Variants in TMPRSS7 observed in about 807,000 individuals in gnomAD.
TMPRSS7 encodes transmembrane serine protease 7.
Under a neutral mutation model 95.6 loss-of-function variants are expected in TMPRSS7, and 81 were observed. That is an observed-to-expected ratio of 0.85 (90% CI 0.71 to 1.02). The LOEUF (loss-of-function observed/expected upper bound fraction) is 1.02, where lower values mean the gene tolerates loss of function less well. Among genes scored for constraint, TMPRSS7 ranks in the 50% least tolerant of loss-of-function variants. The pLI is 0.00. For synonymous variants in TMPRSS7, 364 were observed against 337.8 expected, an observed-to-expected ratio of 1.08 and a Z score of -0.85; for missense variants, 945 against 955.2, an observed-to-expected ratio of 0.99 and a Z score of 0.14.
chr3:112,065,347 C>T (rs995941808), intron 12 of TMPRSS7, among the ~76,000 whole-genome samples: 1 of 152,248 alleles, frequency 6.6e-6, no homozygotes, highest in African/African-American at 2.4e-5. Context: ...TAGTTTATAC[C>T]TTATTTTTTT....
chr3:112,078,750 G>A (rs956797609), exon 17 of TMPRSS7: 1 of 1,614,032 alleles, frequency 6.2e-7, no homozygotes, highest in Non-Finnish European at 8.5e-7. Flanking sequence ...AGATAATAAA[G>A]GCTCCCTCGT....
intron 17 of TMPRSS7, among the ~76,000 whole-genome samples, chr3:112,080,104 A>C (rs2073759863): frequency 6.6e-6 from 1 of 152,200 alleles, no homozygotes; most frequent in African/African-American, 2.4e-5. Flanking sequence ...ATAAGATCAT[A>C]ATTTGGATAC....
At chr3:112,078,871 C>T (rs892443137) in exon 17 of TMPRSS7, 4 of 1,613,542 alleles carry the variant, frequency 2.5e-6, no homozygotes. Flanking sequence ...AAGAGAGATG[C>T]CTGCAAAGTA....
chr3:112,065,786 A>C (rs2073569095), intron 12 of TMPRSS7, among the ~76,000 whole-genome samples: 1 of 152,248 alleles, frequency 6.6e-6, no homozygotes, highest in African/African-American at 2.4e-5. Flanking sequence ...TGCTGGTCTA[A>C]AAGCAATTCA....
intron 7 of TMPRSS7, 113 bp from the exon 8 acceptor site, chr3:112,049,731 G>C: frequency 1.2e-6 from 1 of 866,236 alleles, no homozygotes; most frequent in Non-Finnish European, 1.7e-6. Context: ...CCCAAGAACT[G>C]AGTGGATGGA....
exon 16 of TMPRSS7, chr3:112,077,056 T>G (rs776342003): frequency 3.7e-6 from 6 of 1,614,206 alleles, no homozygotes; most frequent in Non-Finnish European, 5.1e-6. Context: ...AACAGCTCAT[T>G]CAGCCAATAT....
In TMPRSS7 at chr3:112,075,310, C is replaced by T; in HGVS notation, c.1784-11C>T. 1 of 1,399,500 alleles carries T rather than the reference C, an allele frequency of 7.1e-7. No homozygotes were observed. Among genetic ancestry groups the T allele is most frequent in the East Asian group, 2.7e-5 (1 of 36,562 alleles). 86.7% of individuals were successfully genotyped at this position (1,399,500 alleles called of 1,614,324 possible). A position where few individuals can be genotyped will look rare whatever the true frequency, so the allele number is the denominator to read the frequency against. ...TCTACCTTTAAATCACATGCCCTTT[C>T]TCCACCAAAGCCTGCAGCAGGAGTT... On this transcript the variant is annotated splice_polypyrimidine_tract_variant and intron_variant, in intron 14 of 17. Coordinates refer to ENST00000452346, the Ensembl canonical transcript of TMPRSS7.
At chr3:112,039,691 G>A (rs73216064) in intron 2 of TMPRSS7, 33,158 of 152,156 alleles carry the variant, frequency 0.22, 4,539 homozygotes, top group Middle Eastern at 0.34. Flanking sequence ...TCTGGACCTC[G>A]CTGTAGGTAC....
intron 9 of TMPRSS7, among the ~76,000 whole-genome samples, chr3:112,053,134 C>T (rs1242407065): frequency 6.7e-6 from 1 of 150,124 alleles, no homozygotes; most frequent in African/African-American, 2.5e-5. Context: ...GAATGGAAAT[C>T]AGTGTAAAAT....
At chr3:112,050,603 T>G (rs2073334475) in intron 8 of TMPRSS7, 68 bp from the exon 9 acceptor site, 4 of 706,718 alleles carry the variant, frequency 5.7e-6, no homozygotes, top group Non-Finnish European at 4.5e-6. Context: ...ATTAAAGAAA[T>G]GTATGAAGTG....
chr3:112,060,723 G>C (rs958346356), intron 10 of TMPRSS7, among the ~76,000 whole-genome samples: 1 of 152,080 alleles, frequency 6.6e-6, no homozygotes, highest in Non-Finnish European at 1.5e-5. Flanking sequence ...TGCAGTTAAC[G>C]CAATCATCAC....
At chr3:112,045,425 G>T (rs939063645) in intron 4 of TMPRSS7, among the ~76,000 whole-genome samples, 2 of 152,248 alleles carry the variant, frequency 1.3e-5, no homozygotes, top group Non-Finnish European at 2.9e-5. Context: ...TGGGATTACA[G>T]GCGTGAGCCA....
At chr3:112,077,128 G>T (rs781103683) in exon 16 of TMPRSS7, 4 of 1,614,080 alleles carry the variant, frequency 2.5e-6, no homozygotes, top group Non-Finnish European at 3.4e-6. Context: ...CTGGCTGGGG[G>T]CGAAGACACG....
At chr3:112,036,870 G>A (rs557626037) in intron 1 of TMPRSS7, among the ~76,000 whole-genome samples, 4 of 152,068 alleles carry the variant, frequency 2.6e-5, no homozygotes, top group Non-Finnish European at 4.4e-5. Context: ...AATTTCTTAC[G>A]CCTGTCTTTA....
At chr3:112,073,641 C>A (rs1036925696) in intron 13 of TMPRSS7, among the ~76,000 whole-genome samples, 44 of 152,092 alleles carry the variant, frequency 2.9e-4, no homozygotes, top group African/African-American at 1.0e-3. Context: ...GGAGATTAGC[C>A]CTTTGTCAGA....
chr3:112,061,811 T>C (rs746831777), exon 11 of TMPRSS7: 1 of 1,610,030 alleles, frequency 6.2e-7, no homozygotes, highest in Non-Finnish European at 8.5e-7. Flanking sequence ...ACATGGATCA[T>C]CAGACAATTT....
chr3:112,056,925 G>A, intron 9 of TMPRSS7, 100 bp from the exon 10 acceptor site: 1 of 750,180 alleles, frequency 1.3e-6, no homozygotes, highest in Admixed American at 2.5e-5. Context: ...AAGGGCCACA[G>A]GGCGCAAGTA....
intron 13 of TMPRSS7, among the ~76,000 whole-genome samples, chr3:112,073,958 T>C (rs2073682387): frequency 6.6e-6 from 1 of 152,210 alleles, no homozygotes; most frequent in African/African-American, 2.4e-5. Context: ...CTCAAAAGTT[T>C]TCTTGGAGAA....
intron 2 of TMPRSS7, among the ~76,000 whole-genome samples, chr3:112,039,043 C>T (rs878938842): frequency 6.6e-6 from 1 of 152,168 alleles, no homozygotes; most frequent in Non-Finnish European, 1.5e-5. Context: ...CTTGAATTTC[C>T]GGCTCCCTGA....
Sources: allele counts gnomAD v4.1 joint callset (sites outside exome capture counted in the v4.1 genomes callset), GRCh38; gene constraint gnomAD v4.1.1; transcripts MANE v1.5; gene names NCBI Gene and HGNC (gene_info 2026-07-23, HGNC 2026-07-21).